KCNQ4: variants seen among roughly 807,000 people sequenced by gnomAD.
The protein encoded by KCNQ4 is potassium voltage-gated channel subfamily Q member 4, also known as potassium voltage-gated channel subfamily KQT member 4.
In KCNQ4, 31 loss-of-function variants were observed where a neutral mutation model predicts 72.6. The ratio of observed to expected loss-of-function variants is 0.43; its 90% confidence interval spans 0.32 to 0.58. KCNQ4 has a LOEUF of 0.58. Among genes scored for constraint, KCNQ4 ranks in the 20% least tolerant of loss-of-function variants. The pLI is 0.08. For missense variants in KCNQ4, 869 were observed against 962.6 expected, an observed-to-expected ratio of 0.90 and a Z score of 1.29; for synonymous variants, 405 against 403.7, an observed-to-expected ratio of 1.00 and a Z score of -0.04.
intron 7 of KCNQ4, among the ~76,000 whole-genome samples, chr1:40,821,988 A>C (rs1453497305): frequency 6.6e-6 from 1 of 152,224 alleles, no homozygotes; most frequent in East Asian, 1.9e-4. Flanking sequence ...GAGGTCCTGA[A>C]GCTTTACTTA....
In KCNQ4 at chr1:40,784,483, G is replaced by T. The variant is rs867553415; in HGVS notation, c.314+76G>T. On this transcript the variant is annotated intron_variant, in intron 1 of 13. Coordinates refer to ENST00000347132, the MANE Select transcript of KCNQ4 (RefSeq NM_004700.4). This position sits in a 1 kb window ranked among gnomAD's most constrained non-coding sequence, Gnocchi z 4.1. ...TCCCGGGGCACGGCCGCCCCGCCCT[G>T]GCTCCGCCTTCTACCCCCCTGCCTC... 2 of 1,442,630 alleles carry T rather than the reference G, an allele frequency of 1.4e-6. No homozygotes were observed. Among genetic ancestry groups the T allele is most frequent in the East Asian group, 2.3e-5 (1 of 43,488 alleles). 89.4% of individuals were successfully genotyped at this position (1,442,630 alleles called of 1,614,324 possible). A position where few individuals can be genotyped will look rare whatever the true frequency, so the allele number is the denominator to read the frequency against.
chr1:40,793,670 C>T (rs1647333691), intron 1 of KCNQ4, among the ~76,000 whole-genome samples: 1 of 152,204 alleles, frequency 6.6e-6, no homozygotes, highest in Non-Finnish European at 1.5e-5. Flanking sequence ...CACAAGCATC[C>T]TTTGCTCTCA....
intron 10 of KCNQ4, among the ~76,000 whole-genome samples, chr1:40,832,770 C>T (rs1648687151): frequency 6.6e-6 from 1 of 152,120 alleles, no homozygotes; most frequent in African/African-American, 2.4e-5. Context: ...AAAGCAGCTC[C>T]CACCTACCCA....
At chr1:40,822,048 G>A (rs1188725401) in intron 7 of KCNQ4, among the ~76,000 whole-genome samples, 1 of 152,226 alleles carries the variant, frequency 6.6e-6, no homozygotes, top group African/African-American at 2.4e-5. Context: ...ACCCATGTCT[G>A]CCTGACAACA....
In KCNQ4 at chr1:40,838,596, C is replaced by T. The variant is rs1170393513; in HGVS notation, c.*73C>T. The T allele has an allele frequency of 1.2e-5, 16 of 1,359,522 alleles. No homozygotes were observed. Among genetic ancestry groups the T allele is most frequent in the South Asian group, 2.3e-5 (2 of 85,560 alleles). 84.2% of individuals were successfully genotyped at this position (1,359,522 alleles called of 1,614,324 possible). A position where few individuals can be genotyped will look rare whatever the true frequency, so the allele number is the denominator to read the frequency against. On this transcript the variant is annotated 3_prime_UTR_variant, in exon 14 of 14. Transcript: ENST00000347132. ...CGCTCCGACTGCCCTCTGAGGCCTC[C>T]GGACTCCTCTCGTACTTGAACTCAC...
At chr1:40,797,731 C>G (rs1298599590) in intron 1 of KCNQ4, among the ~76,000 whole-genome samples, 2 of 152,154 alleles carry the variant, frequency 1.3e-5, no homozygotes, top group Admixed American at 6.5e-5. Flanking sequence ...AGTGCCTCCT[C>G]CAGAGCTATT....
chr1:40,793,007 T>TC (rs1441806037), intron 1 of KCNQ4, among the ~76,000 whole-genome samples: 45 of 139,978 alleles, frequency 3.2e-4, no homozygotes, highest in African/African-American at 5.2e-4. Flanking sequence ...TTTCTTTCTT[T>TC]TTTTTTTTTT....
At chr1:40,838,162 C>A (rs1648862783) in intron 13 of KCNQ4, 149 bp from the exon 14 acceptor site, 1 of 755,570 alleles carries the variant, frequency 1.3e-6, no homozygotes, top group Non-Finnish European at 2.3e-6. Flanking sequence ...TCGCTCTAGC[C>A]AAGCTCCACC....
chr1:40,809,368 T>C (rs945705925), intron 1 of KCNQ4, among the ~76,000 whole-genome samples: 3 of 152,158 alleles, frequency 2.0e-5, no homozygotes, highest in African/African-American at 7.2e-5. Context: ...CGGGTCTCTC[T>C]CTTCATACCC....
In KCNQ4 at chr1:40,817,950, C is replaced by T. The variant is rs573582357; in HGVS notation, c.406-214C>T. 9.9e-5 allele frequency among the ~76,000 whole-genome samples: 15 copies of T among 152,224 alleles called. No homozygotes were observed. The highest frequency in any genetic ancestry group is 5.9e-4 in the Admixed American group (9 of 15,292). On this transcript the variant is annotated intron_variant, in intron 2 of 13. Coordinates refer to ENST00000347132, the MANE Select transcript of KCNQ4 (RefSeq NM_004700.4). The surrounding 1 kb of genome is among the most constrained non-coding windows in gnomAD (Gnocchi z 5.5). ...AAAAATCCGATCAGTTCATGGGGACCGGAAGGGGAGGACACACTAGGGCTT... is the reference window on the plus strand; with the variant it reads ...AAAAATCCGATCAGTTCATGGGGACTGGAAGGGGAGGACACACTAGGGCTT...
chr1:40,788,864 A>G lies in KCNQ4; in HGVS notation c.314+4457A>G, dbSNP rs1447337050. 6.6e-6 allele frequency among the ~76,000 whole-genome samples: 1 copy of G among 152,216 alleles called. No individual in the cohort carries two copies. The highest frequency in any genetic ancestry group is 2.4e-5 in the African/African-American group (1 of 41,442). On this transcript the variant is annotated intron_variant, in intron 1 of 13. Transcript: ENST00000347132. The surrounding 1 kb of genome is among the most constrained non-coding windows in gnomAD (Gnocchi z 4.5). ...CTGCGTACCTGTCTGAATGTCTCAC[A>G]CATGCACTCACTGCAACATCGACAC...
At chr1:40,834,766 T>A (rs1363101969) in intron 11 of KCNQ4, among the ~76,000 whole-genome samples, 2 of 151,810 alleles carry the variant, frequency 1.3e-5, no homozygotes, top group Admixed American at 1.3e-4. Context: ...CCCCGGCTGG[T>A]TGATTAACCC....
chr1:40,809,123 C>T (rs932157836), intron 1 of KCNQ4, among the ~76,000 whole-genome samples: 1 of 152,192 alleles, frequency 6.6e-6, no homozygotes, highest in East Asian at 1.9e-4. Context: ...TGTCTACTCC[C>T]GCTTTGAAAC....
intron 10 of KCNQ4, 73 bp downstream of exon 10, chr1:40,831,377 A>G (rs1570848625): frequency 7.7e-7 from 1 of 1,294,682 alleles, no homozygotes; most frequent in Non-Finnish European, 1.1e-6. Context: ...CTGGGCTGGG[A>G]GCAGAAAGAT....
At chr1:40,821,413 A>G (rs1054828597) in intron 7 of KCNQ4, among the ~76,000 whole-genome samples, 3 of 152,194 alleles carry the variant, frequency 2.0e-5, no homozygotes, top group Non-Finnish European at 4.4e-5. Flanking sequence ...TGTCCTGCCT[A>G]GCAGCCTCCA....
At chr1:40,807,547 G>A (rs1015811329) in intron 1 of KCNQ4, among the ~76,000 whole-genome samples, 1 of 152,152 alleles carries the variant, frequency 6.6e-6, no homozygotes, top group Admixed American at 6.5e-5. Context: ...AAAGAGCCTC[G>A]CTCTGAGGCC....
chr1:40,790,013 G>T (rs1647248543), intron 1 of KCNQ4, among the ~76,000 whole-genome samples: 1 of 152,364 alleles, frequency 6.6e-6, no homozygotes, highest in African/African-American at 2.4e-5. Context: ...CTGCATGTTT[G>T]CCCTGGGGGA....
intron 1 of KCNQ4, among the ~76,000 whole-genome samples, chr1:40,792,206 G>C (rs1005757758): frequency 6.6e-6 from 1 of 152,146 alleles, no homozygotes; most frequent in African/African-American, 2.4e-5. Context: ...TCCCCTGGGA[G>C]GGGAGGGGGC....
At chr1:40,811,524 C>T (rs2148312461) in intron 1 of KCNQ4, among the ~76,000 whole-genome samples, 1 of 152,336 alleles carries the variant, frequency 6.6e-6, no homozygotes. Context: ...AGTATTTTAA[C>T]AAGCCCTCCA....
Sources: allele counts gnomAD v4.1 joint callset (sites outside exome capture counted in the v4.1 genomes callset), GRCh38; gene constraint gnomAD v4.1.1; non-coding constraint Gnocchi (gnomAD v3.1); transcripts MANE v1.5; gene names NCBI Gene and HGNC (gene_info 2026-07-23, HGNC 2026-07-21).